CLCN4: variants seen among roughly 807,000 people sequenced by gnomAD.
CLCN4 encodes the protein Cl-/H+ antiporter 4.
CLCN4 carries 1 observed loss-of-function variant against 41.7 expected under a neutral mutation model. That is an observed-to-expected ratio of 0.02 (90% CI 0.01 to 0.11). CLCN4 has a LOEUF of 0.11. Among genes scored for constraint, CLCN4 ranks in the 10% least tolerant of loss-of-function variants. The probability of loss-of-function intolerance (pLI) is 1.00; values close to 1 mark genes in which losing one functional copy is unlikely to be tolerated. For missense variants in CLCN4, 287 were observed against 661.0 expected (o/e 0.43, Z 6.20); for synonymous variants, 277 against 285.8 (o/e 0.97, Z 0.31).
At position 10,208,548 on chromosome X, in the gene CLCN4, G is replaced by A; in HGVS notation, c.1347G>A (p.Leu449=). ...CCATGTGGCAGCTGGCCCTGGCACTGATCTTCAAAATCGTCGTTACCATAT... is the reference window on the plus strand; with the variant it reads ...CCATGTGGCAGCTGGCCCTGGCACTAATCTTCAAAATCGTCGTTACCATAT... ...YTAMWQLALA[L]IFKIVVTIFT... Residue 449 remains leucine (L), a synonymous_variant, in exon 9 of 13, where the codon CTG becomes CTA. Coordinates refer to ENST00000380833, the MANE Select transcript of CLCN4 (RefSeq NM_001830.4). 8.3e-7 allele frequency: 1 copy of A among 1,210,319 alleles called. No individual in the cohort carries two copies. The highest frequency in any genetic ancestry group is 1.1e-6 in the Non-Finnish European group (1 of 895,117).
intron 2 of CLCN4, among the ~76,000 whole-genome samples, chrX:10,162,940 T>C (rs1923144344): frequency 8.8e-6 from 1 of 113,193 alleles, no homozygotes; most frequent in Admixed American, 9.3e-5. Context: ...TTCAGTCTGA[T>C]TGGTGTTATT....
intron 11 of CLCN4, among the ~76,000 whole-genome samples, chrX:10,219,813 T>G (rs776059243): frequency 3.6e-5 from 4 of 112,440 alleles, no homozygotes; most frequent in Non-Finnish European, 7.5e-5. Flanking sequence ...AGATTAAAAT[T>G]CCAACAGAAG....
chrX:10,164,552 G>A (rs1009646773), intron 2 of CLCN4, among the ~76,000 whole-genome samples: 1 of 112,167 alleles, frequency 8.9e-6, no homozygotes, highest in African/African-American at 3.2e-5. Flanking sequence ...CAGCCAGCAA[G>A]GAGGCTAGGA....
chrX:10,172,525 G>A (rs1011440575), intron 2 of CLCN4, among the ~76,000 whole-genome samples: 10 of 111,635 alleles, frequency 9.0e-5, no homozygotes, highest in African/African-American at 2.6e-4. Flanking sequence ...GCCTGGGGTC[G>A]TGTGGCAGTA....
At position 10,187,381 on chromosome X, in the gene CLCN4, A is replaced by G. The variant is rs1923840407; in HGVS notation, c.145-134A>G. 4 of 493,783 alleles carry G rather than the reference A, an allele frequency of 8.1e-6. No homozygotes were observed. The South Asian group carries it at 1.3e-4, about 16-fold the overall frequency. The allele number at this position is 493,783 out of a possible 1,213,427, so 40.7% of individuals were successfully genotyped here. A position where few individuals can be genotyped will look rare whatever the true frequency, so the allele number is the denominator to read the frequency against. ...GGCACATAACTGAAAGAATCACATC[A>G]GTGGGAATTTAGCTGCTTGATGACA... On this transcript the variant is annotated intron_variant, in intron 3 of 12. Coordinates refer to ENST00000380833, the MANE Select transcript of CLCN4 (RefSeq NM_001830.4).
chrX:10,185,217 C>G, intron 3 of CLCN4, 41 bp downstream of exon 3: 2 of 1,162,094 alleles, frequency 1.7e-6, no homozygotes, highest in Non-Finnish European at 2.3e-6. Context: ...AATGGCTAAG[C>G]CATGTTTTCA....
intron 2 of CLCN4, among the ~76,000 whole-genome samples, chrX:10,178,818 T>TA (rs961605128): frequency 1.6e-4 from 18 of 110,953 alleles, no homozygotes; most frequent in Non-Finnish European, 2.5e-4. Flanking sequence ...AATGGAGCAG[T>TA]AAAAAAACAA....
rs1219897638 is a variant in CLCN4 at position 10,213,853 on chromosome X, C to T, written c.1749C>T (p.Phe583=). Residue 583 remains phenylalanine, a synonymous_variant, in exon 11 of 13, where the codon TTC becomes TTT. Coordinates refer to ENST00000380833, the MANE Select transcript of CLCN4 (RefSeq NM_001830.4). ...ACATCCACTTAAATGGGTACCCTTTCCTTGACGTGAAGGACGAGTTTACTC... is the reference window on the plus strand; with the variant it reads ...ACATCCACTTAAATGGGTACCCTTTTCTTGACGTGAAGGACGAGTTTACTC... ...EAHIHLNGYP[F]LDVKDEFTHR... The T allele has an allele frequency of 3.3e-6, 4 of 1,210,623 alleles. No individual in the cohort carries two copies. Among genetic ancestry groups the T allele is most frequent in the East Asian group, 3.0e-5 (1 of 33,772 alleles).
intron 12 of CLCN4, among the ~76,000 whole-genome samples, chrX:10,229,502 A>G (rs746471046): frequency 6.0e-4 from 66 of 109,241 alleles, no homozygotes; most frequent in Non-Finnish European, 8.0e-4. Context: ...CCATTAACTC[A>G]TCATTTACAT....
chrX:10,205,267 A>G (rs1279025869), intron 6 of CLCN4, among the ~76,000 whole-genome samples: 4 of 110,670 alleles, frequency 3.6e-5, no homozygotes, highest in Admixed American at 9.6e-5. Flanking sequence ...AGATCAGGAG[A>G]TGGAGTCCAT....
intron 2 of CLCN4, among the ~76,000 whole-genome samples, chrX:10,175,528 G>A (rs1294774140): frequency 9.0e-6 from 1 of 111,730 alleles, no homozygotes; most frequent in African/African-American, 3.3e-5. Context: ...AAGGCTGCTT[G>A]TGATGAGTCA....
chrX:10,195,226 A>G, intron 5 of CLCN4, 128 bp downstream of exon 5: 1 of 601,606 alleles, frequency 1.7e-6, no homozygotes, highest in Non-Finnish European at 2.6e-6. Flanking sequence ...TCGTGGCTTA[A>G]CACTAGATGA....
intron 12 of CLCN4, among the ~76,000 whole-genome samples, chrX:10,226,251 C>G (rs866656005): frequency 9.2e-6 from 1 of 108,166 alleles, no homozygotes; most frequent in South Asian, 3.8e-4. Flanking sequence ...TCAAAACCAC[C>G]ACACAACTAC....
At chrX:10,174,339 C>T (rs1388863664) in intron 2 of CLCN4, among the ~76,000 whole-genome samples, 1 of 112,325 alleles carries the variant, frequency 8.9e-6, no homozygotes, top group Non-Finnish European at 1.9e-5. Flanking sequence ...CAGGGGCCAG[C>T]TTTGTTAGCA....
At chrX:10,208,023 A>G (rs1321997069) in intron 8 of CLCN4, 22 bp from the exon 9 acceptor site, 42 of 1,183,372 alleles carry the variant, frequency 3.5e-5, no homozygotes, top group South Asian at 9.3e-5. Flanking sequence ...CCAGTCTTTA[A>G]TTTTCCACTT....
intron 8 of CLCN4, among the ~76,000 whole-genome samples, 160 bp downstream of exon 8, chrX:10,206,936 T>TTTTTG (rs1924410929): frequency 2.7e-5 from 3 of 111,656 alleles, no homozygotes; most frequent in Non-Finnish European, 5.7e-5. Context: ...TTTGTTTTTT[T>TTTTTG]TGAGACTGAG....
intron 2 of CLCN4, among the ~76,000 whole-genome samples, chrX:10,164,023 C>T (rs1454973915): frequency 1.8e-5 from 2 of 112,736 alleles, no homozygotes; most frequent in African/African-American, 6.5e-5. Context: ...GGACAAGGTT[C>T]CTGCCCTCAC....
intron 3 of CLCN4, among the ~76,000 whole-genome samples, chrX:10,187,308 G>A (rs1024581377): frequency 4.5e-5 from 5 of 112,001 alleles, no homozygotes; most frequent in African/African-American, 1.6e-4. Context: ...GGAGACTTTT[G>A]TGGCATCTTT....
At chrX:10,176,159 C>T (rs892660909) in intron 2 of CLCN4, among the ~76,000 whole-genome samples, 2 of 112,127 alleles carry the variant, frequency 1.8e-5, no homozygotes, top group African/African-American at 3.2e-5. Flanking sequence ...CCGTGGGTCA[C>T]GATTATTTGT....
Sources: allele counts gnomAD v4.1 joint callset (sites outside exome capture counted in the v4.1 genomes callset), GRCh38; gene constraint gnomAD v4.1.1; transcripts MANE v1.5; gene names NCBI Gene and HGNC (gene_info 2026-07-23, HGNC 2026-07-21).